Variants in CTNNA3 observed in about 807,000 individuals in gnomAD.
The protein encoded by CTNNA3 is catenin alpha 3.
Under a neutral mutation model 95.7 loss-of-function variants are expected in CTNNA3, and 76 were observed. The observed-to-expected ratio is 0.79, with a 90% CI of 0.66 to 0.96. The LOEUF is 0.96. Among genes scored for constraint, CTNNA3 ranks in the 40% least tolerant of loss-of-function variants. CTNNA3 has a pLI of 0.00. For synonymous variants in CTNNA3, 431 were observed against 374.4 expected, an observed-to-expected ratio of 1.15 and a Z score of -1.74; for missense variants, 1,191 against 1,089.8, an observed-to-expected ratio of 1.09 and a Z score of -1.31.
intron 9 of CTNNA3, among the ~76,000 whole-genome samples, chr10:66,650,370 T>C (rs10997285): frequency 0.076 from 11,532 of 152,212 alleles, 803 homozygotes; most frequent in East Asian, 0.24. Context: ...TGGAAAAATT[T>C]CAAAAACTTC....
At chr10:67,454,057 G>A (rs891240844) in intron 5 of CTNNA3, among the ~76,000 whole-genome samples, 2 of 152,066 alleles carry the variant, frequency 1.3e-5, no homozygotes, top group African/African-American at 4.8e-5. Context: ...CATTGGATAT[G>A]AGATAATATC....
chr10:66,075,904 A>T (rs1433981551), intron 14 of CTNNA3, among the ~76,000 whole-genome samples: 1 of 151,634 alleles, frequency 6.6e-6, no homozygotes, highest in Non-Finnish European at 1.5e-5. Flanking sequence ...GGTAAATCAT[A>T]TAACTTTGCT....
At chr10:67,229,626 A>T (rs1018231803) in intron 5 of CTNNA3, among the ~76,000 whole-genome samples, 16 of 152,242 alleles carry the variant, frequency 1.1e-4, no homozygotes, top group African/African-American at 3.6e-4. Flanking sequence ...AATTTTCCAG[A>T]TAAAAGATTA....
At chr10:66,578,795 T>G (rs189974567) in intron 10 of CTNNA3, among the ~76,000 whole-genome samples, 3,922 of 151,282 alleles carry the variant, frequency 0.026, 90 homozygotes, top group South Asian at 0.056. Context: ...TTTTTTTTTT[T>G]TTGTTTGTTG....
At chr10:66,384,168 C>G (rs888854465) in intron 11 of CTNNA3, among the ~76,000 whole-genome samples, 1 of 152,034 alleles carries the variant, frequency 6.6e-6, no homozygotes, top group African/African-American at 2.4e-5. Flanking sequence ...GATAAAGAGT[C>G]AAAACCCGTA....
At chr10:66,234,601 G>A (rs1485309890) in intron 13 of CTNNA3, among the ~76,000 whole-genome samples, 5 of 152,154 alleles carry the variant, frequency 3.3e-5, no homozygotes, top group African/African-American at 1.2e-4. Flanking sequence ...GATTGAGACT[G>A]ACAACATGAA....
chr10:66,681,319 C>T (rs1161919069), intron 9 of CTNNA3, among the ~76,000 whole-genome samples: 2 of 152,154 alleles, frequency 1.3e-5, no homozygotes, highest in African/African-American at 2.4e-5. Flanking sequence ...TGCTTCAACT[C>T]ACTTGGTCCT....
chr10:66,479,372 T>C (rs1484511513), intron 11 of CTNNA3, among the ~76,000 whole-genome samples: 3 of 152,092 alleles, frequency 2.0e-5, no homozygotes, highest in Non-Finnish European at 4.4e-5. Context: ...TTTTGGCTTT[T>C]ATTGACTCTT....
intron 15 of CTNNA3, among the ~76,000 whole-genome samples, chr10:66,026,967 T>G (rs1372215724): frequency 2.6e-5 from 4 of 152,138 alleles, no homozygotes; most frequent in African/African-American, 9.6e-5. Flanking sequence ...TTCAGATTTG[T>G]TTTTTATTAT....
chr10:67,461,944 A>G (rs747122231), intron 5 of CTNNA3, among the ~76,000 whole-genome samples: 2 of 152,170 alleles, frequency 1.3e-5, no homozygotes, highest in Non-Finnish European at 2.9e-5. Context: ...CCATCAATCA[A>G]CTCCAGAAAA....
At chr10:67,717,135 G>A (rs1242025449) in intron 1 of CTNNA3, among the ~76,000 whole-genome samples, 1 of 152,132 alleles carries the variant, frequency 6.6e-6, no homozygotes, top group Non-Finnish European at 1.5e-5. Context: ...AGAAGTATCT[G>A]TTCATATCCT....
intron 5 of CTNNA3, among the ~76,000 whole-genome samples, chr10:67,473,842 G>A (rs575447239): frequency 2.6e-5 from 4 of 152,042 alleles, no homozygotes; most frequent in South Asian, 2.1e-4. Flanking sequence ...ATGTGTATAG[G>A]CTATGTGAAA....
At chr10:67,042,655 T>C (rs555996180) in intron 7 of CTNNA3, among the ~76,000 whole-genome samples, 150 of 151,352 alleles carry the variant, frequency 9.9e-4, no homozygotes, top group African/African-American at 3.3e-3. Context: ...AAAAGTCAAG[T>C]AGGGTGAGGA....
intron 9 of CTNNA3, among the ~76,000 whole-genome samples, chr10:66,661,366 G>T (rs7906158): frequency 0.65 from 98,926 of 151,288 alleles, 33,144 homozygotes; most frequent in East Asian, 0.95. Flanking sequence ...TTGTGAGACT[G>T]ATTCGCTATC....
chr10:66,331,338 G>GCTTGCTTGCTTTTTT (rs1417713676), intron 12 of CTNNA3, among the ~76,000 whole-genome samples: 1 of 39,116 alleles, frequency 2.6e-5, no homozygotes, highest in African/African-American at 7.2e-5. Context: ...TTTCCCCATT[G>GCTTGCTTGCTTTTTT]TTTGTTTTTT....
At chr10:67,167,782 T>A (rs1861841684) in intron 7 of CTNNA3, among the ~76,000 whole-genome samples, 1 of 152,198 alleles carries the variant, frequency 6.6e-6, no homozygotes, top group East Asian at 1.9e-4. Flanking sequence ...CTGACCTAAG[T>A]ATTCTCTCTC....
At position 66,055,836 on chromosome 10, in the gene CTNNA3, C is replaced by A. The variant is rs138159468; in HGVS notation, c.2159+13472G>T. On this transcript the variant is annotated intron_variant, in intron 15 of 17. Transcript: ENST00000433211. ...ACTCAGGAGGCTGAAGCAGGAGAAT[C>A]GCTTGAACCTGGGAGACAGAGGTTG... is the stretch of plus-strand genomic sequence containing the variant. Among the ~76,000 whole-genome samples the A allele has an allele frequency of 2.1e-3, 308 of 147,556 alleles. 2 individuals carry two copies. Among genetic ancestry groups the A allele is most frequent in the African/African-American group, 7.3e-3 (293 of 40,060 alleles).
chr10:67,072,495 A>G (rs765924551), intron 7 of CTNNA3, among the ~76,000 whole-genome samples: 1 of 152,214 alleles, frequency 6.6e-6, no homozygotes, highest in East Asian at 1.9e-4. Flanking sequence ...ATTCCAAACG[A>G]TATCTTCCAC....
chr10:65,978,139 C>A lies in CTNNA3; in HGVS notation c.2265+10553G>T, dbSNP rs534877918. 9.0e-4 allele frequency among the ~76,000 whole-genome samples: 137 copies of A among 152,134 alleles called. 1 individual carries two copies. Among genetic ancestry groups the A allele is most frequent in the Admixed American group, 4.2e-3 (64 of 15,262 alleles). On this transcript the variant is annotated intron_variant, in intron 16 of 17. Coordinates refer to ENST00000433211, the MANE Select transcript of CTNNA3 (RefSeq NM_013266.4). Reference sequence around the variant, plus strand: ...CCCTGACTTCTATAATCCCATGTCTCCTTTTTTGTTTATGAATATGCCTAC... The same window carrying A: ...CCCTGACTTCTATAATCCCATGTCTACTTTTTTGTTTATGAATATGCCTAC...
Sources: gnomAD v4.1 joint callset for allele counts (sites outside exome capture counted in the v4.1 genomes callset) on GRCh38, gnomAD v4.1.1 for gene constraint, MANE v1.5 for transcripts, NCBI Gene and HGNC (gene_info 2026-07-23, HGNC 2026-07-21) for gene names.